Variants in DLGAP1 observed in about 807,000 individuals in gnomAD.
DLGAP1 encodes disks large-associated protein 1.
DLGAP1 carries 11 observed loss-of-function variants against 90.8 expected under a neutral mutation model. That is an observed-to-expected ratio of 0.12 (90% confidence interval 0.08 to 0.20). The LOEUF is 0.20. Ranked by LOEUF, DLGAP1 falls within the 10% of genes least tolerant of loss-of-function variation. The pLI is 1.00. For missense variants in DLGAP1, 1,050 were observed against 1,333.8 expected (o/e 0.79, Z 3.31); for synonymous variants, 558 against 540.7 (o/e 1.03, Z -0.44).
intron 5 of DLGAP1, among the ~76,000 whole-genome samples, chr18:3,751,581 C>T (rs137908966): frequency 0.025 from 3,663 of 145,916 alleles, 63 homozygotes; most frequent in Non-Finnish European, 0.04. Flanking sequence ...TTTTTTGAGA[C>T]GGAGTCTCAC....
At chr18:3,863,614 G>A (rs564386020) in intron 4 of DLGAP1, among the ~76,000 whole-genome samples, 9 of 152,330 alleles carry the variant, frequency 5.9e-5, no homozygotes, top group Admixed American at 1.3e-4. Flanking sequence ...TATCCACAGC[G>A]TCCATGCCAT....
chr18:3,657,764 G>A (rs942607279), intron 7 of DLGAP1, among the ~76,000 whole-genome samples: 2 of 152,104 alleles, frequency 1.3e-5, no homozygotes, highest in East Asian at 1.9e-4. Flanking sequence ...CACCGCACCC[G>A]GCTAATTTTT....
chr18:3,962,073 T>A (rs2073210438), intron 3 of DLGAP1, among the ~76,000 whole-genome samples: 1 of 152,200 alleles, frequency 6.6e-6, no homozygotes, highest in African/African-American at 2.4e-5. Context: ...CTTAGGATAT[T>A]GATTCTCAAA....
At chr18:4,217,647 G>A (rs926058553) in intron 1 of DLGAP1, among the ~76,000 whole-genome samples, 1 of 151,960 alleles carries the variant, frequency 6.6e-6, no homozygotes, top group Admixed American at 6.6e-5. Flanking sequence ...CTATGACTCA[G>A]ATTGTATATT....
At chr18:4,192,769 A>G (rs1180048460) in intron 1 of DLGAP1, among the ~76,000 whole-genome samples, 1 of 152,182 alleles carries the variant, frequency 6.6e-6, no homozygotes, top group East Asian at 1.9e-4. Context: ...GGATCTGCAG[A>G]CTAGAGGTGA....
Position 3,582,128 on chromosome 18 carries a change from A to T in DLGAP1, c.1712T>A (p.Met571Lys). The T allele has an allele frequency of 2.5e-6, 4 of 1,613,946 alleles. No individual in the cohort carries two copies. The highest frequency in any genetic ancestry group is 3.4e-6 in the Non-Finnish European group (4 of 1,180,000). Residue 571 changes from methionine to lysine, a missense_variant, in exon 8 of 13, where the codon ATG becomes AAG. Transcript: ENST00000315677. Reference protein sequence around the residue: ...SSTESAQDAYMDGQGQRGDII... With the variant: ...SSTESAQDAYKDGQGQRGDII... ...ATCTCCTCGCTGGCCCTGTCCGTCC[A>T]TGTAGGCATCCTGGGCTGACTCTGT...
intron 1 of DLGAP1, among the ~76,000 whole-genome samples, chr18:4,204,864 G>A (rs2077688262): frequency 7.1e-6 from 1 of 140,970 alleles, no homozygotes; most frequent in South Asian, 2.4e-4. Context: ...TAACTGAGGT[G>A]AGCCTTTTCC....
chr18:4,401,648 A>G (rs914683673), intron 1 of DLGAP1, among the ~76,000 whole-genome samples: 1 of 152,136 alleles, frequency 6.6e-6, no homozygotes, highest in Non-Finnish European at 1.5e-5. Context: ...ACTAAAATGT[A>G]CCTGGAAAAT....
intron 7 of DLGAP1, among the ~76,000 whole-genome samples, chr18:3,684,009 G>T (rs190476880): frequency 1.8e-4 from 27 of 152,220 alleles, no homozygotes; most frequent in African/African-American, 6.3e-4. Context: ...ACATTAAGCC[G>T]TCAGTAAGTG....
chr18:4,196,467 G>A (rs2077499773), intron 1 of DLGAP1, among the ~76,000 whole-genome samples: 1 of 152,218 alleles, frequency 6.6e-6, no homozygotes, highest in Non-Finnish European at 1.5e-5. Context: ...TAAAAACACT[G>A]CTTACTACAT....
intron 1 of DLGAP1, among the ~76,000 whole-genome samples, chr18:4,173,225 C>T (rs1184052907): frequency 6.6e-6 from 1 of 152,162 alleles, no homozygotes; most frequent in Non-Finnish European, 1.5e-5. Context: ...TTGGATGTAC[C>T]CTCATAGTAG....
At chr18:4,355,614 A>G (rs2081493432) in intron 1 of DLGAP1, among the ~76,000 whole-genome samples, 2 of 152,070 alleles carry the variant, frequency 1.3e-5, no homozygotes, top group Admixed American at 1.3e-4. Context: ...TGCATATGTA[A>G]TTGGTGAAAT....
intron 2 of DLGAP1, among the ~76,000 whole-genome samples, chr18:4,058,503 T>C (rs558731856): frequency 2.0e-4 from 30 of 152,316 alleles, no homozygotes; most frequent in Non-Finnish European, 4.0e-4. Context: ...CCTTACTCTG[T>C]AGCCTTTTAA....
chr18:4,045,790 T>TG (rs1475481971), intron 2 of DLGAP1, among the ~76,000 whole-genome samples: 4 of 147,140 alleles, frequency 2.7e-5, no homozygotes, highest in Admixed American at 6.8e-5. Flanking sequence ...TTTAAAACTT[T>TG]TTTTTTTTTT....
chr18:4,218,213 G>A (rs1348438047), intron 1 of DLGAP1, among the ~76,000 whole-genome samples: 1 of 150,172 alleles, frequency 6.7e-6, no homozygotes, highest in Non-Finnish European at 1.5e-5. Context: ...GGCAACATTT[G>A]CATGAGTCTA....
At chr18:4,070,544 GATAACT>G (rs1212444436) in intron 2 of DLGAP1, among the ~76,000 whole-genome samples, 1 of 151,622 alleles carries the variant, frequency 6.6e-6, no homozygotes, top group African/African-American at 2.4e-5. Context: ...TCCCATATAT[GATAACT>G]ATAAAACAGT....
chr18:4,200,601 A>G (rs1328607238), intron 1 of DLGAP1, among the ~76,000 whole-genome samples: 2 of 147,756 alleles, frequency 1.4e-5, no homozygotes, highest in Non-Finnish European at 2.9e-5. Flanking sequence ...ATACTTTAAA[A>G]TATTAAAAAA....
At chr18:3,773,874 G>A (rs1344779873) in intron 5 of DLGAP1, among the ~76,000 whole-genome samples, 1 of 152,158 alleles carries the variant, frequency 6.6e-6, no homozygotes, top group Non-Finnish European at 1.5e-5. Flanking sequence ...GATGTTAGAA[G>A]TATTCAATTG....
rs561247920 is a variant in DLGAP1 at position 3,697,992 on chromosome 18, G to T, written c.1591+31143C>A. 2.6e-5 allele frequency among the ~76,000 whole-genome samples: 4 copies of T among 152,134 alleles called. No homozygotes were observed. The South Asian group carries it at 8.3e-4, about 32-fold the overall frequency. On this transcript the variant is annotated intron_variant, in intron 7 of 12. Coordinates refer to ENST00000315677, the MANE Select transcript of DLGAP1 (RefSeq NM_004746.4). Reference sequence around the variant, plus strand: ...TTGGCTTAAAGTCTGTTTTATCAGAGACTAGGATTGCAACTCCTGCTTTTT... The same window carrying T: ...TTGGCTTAAAGTCTGTTTTATCAGATACTAGGATTGCAACTCCTGCTTTTT...
Sources: allele counts gnomAD v4.1 joint callset (sites outside exome capture counted in the v4.1 genomes callset), GRCh38; gene constraint gnomAD v4.1.1; transcripts MANE v1.5; gene names NCBI Gene and HGNC (gene_info 2026-07-23, HGNC 2026-07-21).